The following FRS2 variants were observed in gnomAD, a reference collection of about 807,000 sequenced individuals.
FRS2 encodes the protein FGFR signalling adaptor.
A neutral mutation model predicts 43.9 loss-of-function variants in FRS2; 8 were observed. The ratio of observed to expected loss-of-function variants is 0.18; its 90% CI spans 0.11 to 0.33. The LOEUF is 0.33. Ranked by LOEUF, FRS2 falls within the 10% of genes least tolerant of loss-of-function variation. The pLI is 1.00. For synonymous variants in FRS2, 219 were observed against 220.3 expected (o/e 0.99, Z 0.05); for missense variants, 534 against 627.6 (o/e 0.85, Z 1.59).
chr12:69,572,325 GT>G, intron 8 of FRS2, 44 bp downstream of exon 8: 1 of 1,473,120 alleles, frequency 6.8e-7, no homozygotes, highest in Non-Finnish European at 9.5e-7. Flanking sequence ...ATTGTTCAGA[GT>G]TAGGGTATCA....
intron 1 of FRS2, among the ~76,000 whole-genome samples, chr12:69,480,998 G>T (rs577066013): frequency 1.3e-5 from 2 of 152,110 alleles, no homozygotes; most frequent in African/African-American, 4.8e-5. Flanking sequence ...ATAAGTAACC[G>T]CCTGGAGAAT....
intron 3 of FRS2, among the ~76,000 whole-genome samples, chr12:69,544,213 T>A (rs1293156625): frequency 1.3e-5 from 2 of 151,978 alleles, no homozygotes; most frequent in African/African-American, 4.8e-5. Context: ...TTCAGCAGCA[T>A]ATCAGTGGGA....
rs1881130914 is a variant in FRS2, at chr12:69,575,489, CT to C, written c.*536del. 6.5e-6 allele frequency: 1 copy of C among 153,234 alleles called. No homozygotes were observed. Among genetic ancestry groups the C allele is most frequent in the Non-Finnish European group, 1.5e-5 (1 of 68,614 alleles). 9.5% of individuals were successfully genotyped at this position (153,234 alleles called of 1,614,324 possible). On this transcript the variant is annotated 3_prime_UTR_variant, in exon 9 of 9. Coordinates refer to ENST00000549921, the MANE Select transcript of FRS2 (RefSeq NM_001278356.2). ...AGGAAACAGAAGTACCGCACCTCCT[CT>C]TACACCAGTCAGCTCCTTTGCCTTC...
intron 1 of FRS2, among the ~76,000 whole-genome samples, chr12:69,500,912 C>T (rs1873379111): frequency 6.6e-6 from 1 of 152,046 alleles, no homozygotes; most frequent in Admixed American, 6.6e-5. Context: ...TTTTGTTATC[C>T]TTAAAATGAA....
At chr12:69,473,533 G>A (rs1870496662) in intron 1 of FRS2, among the ~76,000 whole-genome samples, 1 of 152,126 alleles carries the variant, frequency 6.6e-6, no homozygotes, top group Non-Finnish European at 1.5e-5. Context: ...GTTCATTTTT[G>A]GGAATTAGAG....
chr12:69,518,270 T>C (rs12321119), intron 1 of FRS2, among the ~76,000 whole-genome samples: 60,735 of 152,160 alleles, frequency 0.4, 13,820 homozygotes, highest in Non-Finnish European at 0.5. Context: ...TTCCCACTTA[T>C]GAGAAATTAC....
chr12:69,473,934 C>G (rs1232633510), intron 1 of FRS2, among the ~76,000 whole-genome samples: 1 of 152,176 alleles, frequency 6.6e-6, no homozygotes, highest in Non-Finnish European at 1.5e-5. Flanking sequence ...CCTCCGCCTC[C>G]TGGGTTCAAG....
intron 1 of FRS2, among the ~76,000 whole-genome samples, chr12:69,518,555 A>G (rs962314704): frequency 6.6e-6 from 1 of 152,026 alleles, no homozygotes; most frequent in Non-Finnish European, 1.5e-5. Context: ...AAAACATAGA[A>G]AAAATATAAT....
chr12:69,506,242 A>G (rs372869277), intron 1 of FRS2, among the ~76,000 whole-genome samples: 8 of 152,310 alleles, frequency 5.3e-5, no homozygotes, highest in Non-Finnish European at 8.8e-5. Flanking sequence ...TAAGAGTTCC[A>G]GAAGTCTGGT....
intron 1 of FRS2, among the ~76,000 whole-genome samples, chr12:69,529,736 A>C (rs1876606497): frequency 6.6e-6 from 1 of 152,178 alleles, no homozygotes; most frequent in Admixed American, 6.5e-5. Context: ...GAACACTTAT[A>C]GCATGGAATT....
intron 3 of FRS2, among the ~76,000 whole-genome samples, chr12:69,535,490 C>G (rs1877186462): frequency 6.6e-6 from 1 of 152,016 alleles, no homozygotes; most frequent in South Asian, 2.1e-4. Flanking sequence ...CAGATAGTCT[C>G]TTTGCTTTGA....
At position 69,492,348 on chromosome 12, in the gene FRS2, A is replaced by G. The variant is rs562375714; in HGVS notation, c.-261+21818A>G. On this transcript the variant is annotated intron_variant, in intron 1 of 8. Coordinates refer to ENST00000549921, the MANE Select transcript of FRS2 (RefSeq NM_001278356.2). ...TGGAGTAACAGGGAAATGGGAAAAT[A>G]TGTTACTAGTTCCACCCAGGGGATC... Among the ~76,000 whole-genome samples, 5 of 152,334 alleles carry G rather than the reference A, an allele frequency of 3.3e-5. No individual in the cohort carries two copies. The East Asian group carries it at 5.8e-4, about 18-fold the overall frequency.
At chr12:69,506,688 A>C (rs1873964254) in intron 1 of FRS2, among the ~76,000 whole-genome samples, 1 of 152,040 alleles carries the variant, frequency 6.6e-6, no homozygotes, top group Admixed American at 6.5e-5. Context: ...ACAATTTCGT[A>C]GTTTACTTCT....
At chr12:69,571,249 T>C (rs747629597) in intron 6 of FRS2, 27 bp from the exon 7 acceptor site, 6 of 1,524,206 alleles carry the variant, frequency 3.9e-6, no homozygotes, top group Non-Finnish European at 4.5e-6. Context: ...ATGTTAACTA[T>C]TTTTCCCTTT....
intron 1 of FRS2, among the ~76,000 whole-genome samples, chr12:69,516,987 C>G (rs1875116864): frequency 6.6e-6 from 1 of 152,152 alleles, no homozygotes; most frequent in Admixed American, 6.5e-5. Context: ...AAATTCAAAA[C>G]TTTTTGAGCA....
chr12:69,564,689 T>C (rs978616444), intron 4 of FRS2, among the ~76,000 whole-genome samples: 3 of 152,220 alleles, frequency 2.0e-5, no homozygotes, highest in Admixed American at 6.5e-5. Context: ...TTTAGGTTTT[T>C]ATCATATTTC....
At chr12:69,485,942 C>T (rs1462463955) in intron 1 of FRS2, among the ~76,000 whole-genome samples, 1 of 152,164 alleles carries the variant, frequency 6.6e-6, no homozygotes, top group Non-Finnish European at 1.5e-5. Flanking sequence ...TAAAAAATAA[C>T]ATTTTTTTAT....
intron 1 of FRS2, among the ~76,000 whole-genome samples, chr12:69,526,727 CTTT>C (rs1175830236): frequency 3.5e-5 from 5 of 144,438 alleles, no homozygotes; most frequent in Non-Finnish European, 7.7e-5. Flanking sequence ...AGTGTAGAAA[CTTT>C]TTTTTTTTTT....
chr12:69,516,016 T>C (rs1204442823), intron 1 of FRS2, among the ~76,000 whole-genome samples: 3 of 151,882 alleles, frequency 2.0e-5, no homozygotes, highest in Non-Finnish European at 2.9e-5. Flanking sequence ...CCATAGTTTC[T>C]GTGATGTCAA....
Sources: gnomAD v4.1 joint callset for allele counts (sites outside exome capture counted in the v4.1 genomes callset) on GRCh38, gnomAD v4.1.1 for gene constraint, MANE v1.5 for transcripts, NCBI Gene and HGNC (gene_info 2026-07-23, HGNC 2026-07-21) for gene names.